CCSER1: variants seen among roughly 807,000 people sequenced by gnomAD.
CCSER1 encodes the protein serine-rich coiled-coil domain-containing protein 1.
In CCSER1, 41 loss-of-function variants were observed where a neutral mutation model predicts 82.0. The observed-to-expected ratio is 0.50, with a 90% CI of 0.39 to 0.65. The LOEUF is 0.65. Among genes scored for constraint, CCSER1 ranks in the 30% least tolerant of loss-of-function variants. The probability of loss-of-function intolerance (pLI) is 0.00; values close to 1 mark genes in which losing one functional copy is unlikely to be tolerated. For synonymous variants in CCSER1, 414 were observed against 383.9 expected, an observed-to-expected ratio of 1.08 and a Z score of -0.92; for missense variants, 1,119 against 1,064.2, an observed-to-expected ratio of 1.05 and a Z score of -0.72.
intron 5 of CCSER1, among the ~76,000 whole-genome samples, chr4:90,607,158 C>G (rs1489063767): frequency 1.3e-5 from 2 of 152,016 alleles, no homozygotes. Flanking sequence ...GCATTTTAAC[C>G]AAAAGCGTCA....
At chr4:91,441,570 A>T (rs1036876778) in intron 10 of CCSER1, among the ~76,000 whole-genome samples, 64 of 152,322 alleles carry the variant, frequency 4.2e-4, no homozygotes, top group African/African-American at 1.4e-3. Flanking sequence ...CAAGACAGGG[A>T]TGCCTTCTCT....
At chr4:91,175,141 A>T (rs1733193210) in intron 10 of CCSER1, among the ~76,000 whole-genome samples, 1 of 152,100 alleles carries the variant, frequency 6.6e-6, no homozygotes, top group Non-Finnish European at 1.5e-5. Context: ...GTCCCTATAA[A>T]GGACATGAAC....
intron 10 of CCSER1, among the ~76,000 whole-genome samples, chr4:91,104,108 C>T (rs1725361733): frequency 6.6e-6 from 1 of 152,024 alleles, no homozygotes; most frequent in Admixed American, 6.6e-5. Flanking sequence ...GAAACTCTGC[C>T]CTGGTAATTT....
At position 90,468,655 on chromosome 4, in the gene CCSER1, T is replaced by C. The variant is rs958636088; in HGVS notation, c.1724+301T>C. ...GATTGTGGGTACACTGTTCTTGGAT[T>C]GCTTACTATATAAGCTGTAGGCTTT... is the stretch of plus-strand genomic sequence containing the variant. On this transcript the variant is annotated intron_variant, in intron 5 of 10. Coordinates refer to ENST00000509176, the MANE Select transcript of CCSER1 (RefSeq NM_001145065.2). The C allele has an allele frequency of 2.5e-5, 5 of 197,980 alleles. No homozygotes were observed. In the Admixed American group the frequency reaches 2.9e-4, roughly 12 times the overall value. The allele number at this position is 197,980 out of a possible 1,614,324, so 12.3% of individuals were successfully genotyped here. A position where few individuals can be genotyped will look rare whatever the true frequency, so the allele number is the denominator to read the frequency against.
chr4:91,051,067 T>G (rs1274236786), intron 9 of CCSER1, among the ~76,000 whole-genome samples: 1 of 152,150 alleles, frequency 6.6e-6, no homozygotes, highest in Non-Finnish European at 1.5e-5. Flanking sequence ...AGGGCAACAT[T>G]CATAAATAGG....
chr4:90,424,635 T>C (rs1345024938), intron 4 of CCSER1, among the ~76,000 whole-genome samples: 1 of 152,206 alleles, frequency 6.6e-6, no homozygotes, highest in Non-Finnish European at 1.5e-5. Context: ...ACATTACTCA[T>C]AGTCTACATT....
At chr4:90,421,248 C>T (rs571434559) in intron 4 of CCSER1, among the ~76,000 whole-genome samples, 1 of 152,220 alleles carries the variant, frequency 6.6e-6, no homozygotes, top group Admixed American at 6.5e-5. Context: ...AGCATCTTAT[C>T]TCTTTTATTT....
intron 10 of CCSER1, among the ~76,000 whole-genome samples, chr4:91,346,961 G>T (rs1748103226): frequency 6.6e-6 from 1 of 151,644 alleles, no homozygotes; most frequent in Non-Finnish European, 1.5e-5. Flanking sequence ...AGTGTCTTTT[G>T]CAGAGCAAAA....
At chr4:90,397,912 C>A (rs1256173067) in intron 3 of CCSER1, among the ~76,000 whole-genome samples, 1 of 152,186 alleles carries the variant, frequency 6.6e-6, no homozygotes, top group East Asian at 1.9e-4. Flanking sequence ...TTCCTTTGTT[C>A]TGTCCTTCAC....
chr4:91,466,086 T>C (rs1294334330), intron 10 of CCSER1, among the ~76,000 whole-genome samples: 2 of 152,108 alleles, frequency 1.3e-5, no homozygotes, highest in Non-Finnish European at 2.9e-5. Flanking sequence ...CTGATGAACA[T>C]TGATGCAAAA....
At chr4:91,153,314 C>G (rs1156963603) in intron 10 of CCSER1, among the ~76,000 whole-genome samples, 1 of 151,912 alleles carries the variant, frequency 6.6e-6, no homozygotes, top group Non-Finnish European at 1.5e-5. Flanking sequence ...GCTCTTGAAG[C>G]TTGTGCATGC....
chr4:90,151,717 A>G (rs1010602390), intron 1 of CCSER1, among the ~76,000 whole-genome samples: 1 of 152,128 alleles, frequency 6.6e-6, no homozygotes, highest in African/African-American at 2.4e-5. Flanking sequence ...CATTACATCA[A>G]TAGATTCTTT....
At chr4:90,767,916 G>A (rs571016318) in intron 7 of CCSER1, among the ~76,000 whole-genome samples, 2 of 152,236 alleles carry the variant, frequency 1.3e-5, no homozygotes, top group Admixed American at 6.5e-5. Flanking sequence ...GCCTCCCAAA[G>A]TGTTGGGAGT....
At chr4:91,316,049 T>C (rs964729222) in intron 10 of CCSER1, among the ~76,000 whole-genome samples, 1 of 152,006 alleles carries the variant, frequency 6.6e-6, no homozygotes, top group African/African-American at 2.4e-5. Flanking sequence ...CTGATGGTTT[T>C]ACATAGGGCA....
intron 5 of CCSER1, among the ~76,000 whole-genome samples, chr4:90,577,488 A>G (rs1396068967): frequency 6.6e-6 from 1 of 152,126 alleles, no homozygotes; most frequent in African/African-American, 2.4e-5. Flanking sequence ...TTCTCCTTCA[A>G]TAAGTTGTTA....
intron 10 of CCSER1, among the ~76,000 whole-genome samples, chr4:91,177,827 C>G (rs1456060760): frequency 2.0e-5 from 3 of 151,954 alleles, no homozygotes; most frequent in Non-Finnish European, 1.5e-5. Context: ...CAGTTCTGCT[C>G]TGATGTTATT....
intron 10 of CCSER1, among the ~76,000 whole-genome samples, chr4:91,190,893 G>A (rs1734937267): frequency 6.6e-6 from 1 of 152,076 alleles, no homozygotes; most frequent in African/African-American, 2.4e-5. Context: ...TTAACTTCAT[G>A]GATATGTAGG....
intron 9 of CCSER1, among the ~76,000 whole-genome samples, chr4:90,973,052 A>G (rs530764416): frequency 1.6e-4 from 24 of 151,784 alleles, no homozygotes; most frequent in Non-Finnish European, 1.8e-4. Flanking sequence ...ACCTGAAACT[A>G]TAAAACTGCT....
chr4:90,705,414 G>A (rs954764281), intron 6 of CCSER1, among the ~76,000 whole-genome samples: 2 of 152,200 alleles, frequency 1.3e-5, no homozygotes, highest in Non-Finnish European at 2.9e-5. Context: ...AGGCTATTCG[G>A]GGGTCAGGGA....
Sources: allele counts gnomAD v4.1 joint callset (sites outside exome capture counted in the v4.1 genomes callset), GRCh38; gene constraint gnomAD v4.1.1; transcripts MANE v1.5; gene names NCBI Gene and HGNC (gene_info 2026-07-23, HGNC 2026-07-21).